AFF4: variants seen among roughly 807,000 people sequenced by gnomAD.
The protein encoded by AFF4 is AF4/FMR2 family member 4.
AFF4 carries 13 observed loss-of-function variants against 124.8 expected under a neutral mutation model. That is an observed-to-expected ratio of 0.10 (90% CI 0.07 to 0.17). The LOEUF is 0.17. AFF4 is among the 10% of genes least tolerant of loss of function. The pLI, the probability that AFF4 is intolerant of heterozygous loss-of-function variation, is 1.00. For synonymous variants in AFF4, 477 were observed against 496.1 expected, an observed-to-expected ratio of 0.96 and a Z score of 0.51; for missense variants, 1,092 against 1,403.8, an observed-to-expected ratio of 0.78 and a Z score of 3.55.
At chr5:132,893,408 T>C (rs1195051562) in intron 11 of AFF4, among the ~76,000 whole-genome samples, 2 of 152,228 alleles carry the variant, frequency 1.3e-5, no homozygotes, top group Non-Finnish European at 2.9e-5. Context: ...AATTAAGATA[T>C]AATTTACATA....
At chr5:132,941,224 C>T (rs1300253029) in intron 1 of AFF4, among the ~76,000 whole-genome samples, 3 of 152,036 alleles carry the variant, frequency 2.0e-5, no homozygotes, top group African/African-American at 4.8e-5. Context: ...ACTCCTCCAA[C>T]GTTAACATGA....
chr5:132,943,419 G>T, intron 1 of AFF4: 1 of 180,808 alleles, frequency 5.5e-6, no homozygotes, highest in South Asian at 1.4e-4. Context: ...CTGTAAAGAT[G>T]GCAAATGCCA....
intron 10 of AFF4, 118 bp from the exon 11 acceptor site, chr5:132,897,358 G>C: frequency 9.4e-7 from 1 of 1,068,468 alleles, no homozygotes; most frequent in East Asian, 2.4e-5. Flanking sequence ...AAAAGCAAAT[G>C]GTTCTCTATG....
rs1157399677 is a variant in AFF4 at position 132,927,194 on chromosome 5, G to A, written c.977C>T (p.Ser326Leu). The A allele has an allele frequency of 1.2e-6, 2 of 1,610,282 alleles. No homozygotes were observed. The highest frequency in any genetic ancestry group is 1.7e-6 in the Non-Finnish European group (2 of 1,178,838). Residue 326 changes from serine to leucine, a missense_variant, in exon 5 of 21, where the codon TCA (serine) becomes TTA (leucine). Ser to Leu is a moderately radical substitution (Grantham distance 145, BLOSUM62 -2). Around this residue, in one of 11 missense-constraint regions of AFF4, gnomAD observed 148 missense variants for 196.3 expected, o/e 0.75. Transcript: ENST00000265343. ...VDEILKEMTH[S>L]WPPPLTAIHT... ...AATAGCCGTTAGAGGGGGAGGCCAT[G>A]AATGCGTCATCTCCTGAAATGTAAT...
intron 1 of AFF4, chr5:132,948,407 T>C (rs1483808950): frequency 6.6e-6 from 1 of 152,136 alleles, no homozygotes; most frequent in Non-Finnish European, 1.5e-5. Context: ...TAATTTTCAT[T>C]CACAAATAAC....
chr5:132,948,087 T>G (rs1483505759), intron 1 of AFF4, among the ~76,000 whole-genome samples: 1 of 152,076 alleles, frequency 6.6e-6, no homozygotes, highest in Admixed American at 6.6e-5. Flanking sequence ...AGTCTTGCTC[T>G]GTCGCCAGGC....
At chr5:132,900,003 C>CTAGAGAGA (rs1760508940) in intron 7 of AFF4, among the ~76,000 whole-genome samples, 1 of 152,158 alleles carries the variant, frequency 6.6e-6, no homozygotes, top group Non-Finnish European at 1.5e-5. Context: ...CAACAATCCA[C>CTAGAGAGA]TAGAGAGATA....
chr5:132,908,805 C>T (rs1760728763), intron 5 of AFF4, among the ~76,000 whole-genome samples: 1 of 139,576 alleles, frequency 7.2e-6, no homozygotes, highest in African/African-American at 2.7e-5. Flanking sequence ...GAATCTAGCT[C>T]TGTCACCCAG....
chr5:132,895,064 G>A (rs1021883390), intron 11 of AFF4, among the ~76,000 whole-genome samples: 1 of 152,186 alleles, frequency 6.6e-6, no homozygotes, highest in Non-Finnish European at 1.5e-5. Context: ...AAAGAGCAGA[G>A]TCTATCATAC....
chr5:132,928,836 G>C (rs1761239063), intron 4 of AFF4, among the ~76,000 whole-genome samples: 1 of 152,108 alleles, frequency 6.6e-6, no homozygotes, highest in Non-Finnish European at 1.5e-5. Context: ...ATTACTACTT[G>C]AACCTCTTAA....
chr5:132,926,699 GCTTT>G (rs1761178737), intron 5 of AFF4: 1 of 69,008 alleles, frequency 1.4e-5, no homozygotes, highest in African/African-American at 5.9e-5. Flanking sequence ...ACTATGCCAA[GCTTT>G]TTTTTTTTTT....
chr5:132,935,183 C>T (rs77857463), intron 2 of AFF4, among the ~76,000 whole-genome samples: 2,456 of 152,210 alleles, frequency 0.016, 64 homozygotes, highest in African/African-American at 0.056. Context: ...CACAGTGGCA[C>T]GTGCCTGTAC....
Position 132,927,336 on chromosome 5 carries a change from A to T in AFF4, c.964-129T>A, listed in dbSNP as rs1179252595. ...CTCCAAAATTCTACATACTTAGTCAATAAATATTAAGCACAATTGTGTGCT... is the reference window on the plus strand; with the variant it reads ...CTCCAAAATTCTACATACTTAGTCATTAAATATTAAGCACAATTGTGTGCT... On this transcript the variant is annotated intron_variant, in intron 4 of 20. Coordinates refer to ENST00000265343, the MANE Select transcript of AFF4 (RefSeq NM_014423.4). 5.5e-6 allele frequency: 4 copies of T among 726,228 alleles called. No individual in the cohort carries two copies. In the African/African-American group the frequency reaches 7.3e-5, roughly 13 times the overall value. The allele number at this position is 726,228 out of a possible 1,614,324, so 45.0% of individuals were successfully genotyped here. A position where few individuals can be genotyped will look rare whatever the true frequency, so the allele number is the denominator to read the frequency against.
In AFF4 at chr5:132,892,373, C is replaced by A. The variant is rs1310581875; in HGVS notation, c.2428G>T (p.Asp810Tyr). The change falls in exon 13 of 21, where the codon GAT becomes TAT. Residue 810 changes from aspartate (D) to tyrosine (Y), a missense_variant. Around this residue, in one of 11 missense-constraint regions of AFF4, gnomAD observed 293 missense variants for 280.2 expected, o/e 1.05. Coordinates refer to ENST00000265343, the MANE Select transcript of AFF4 (RefSeq NM_014423.4). ...GGCCCAGCGGGAGAAGGCAACAAAT[C>A]CTTTTCTTTTGCAGCACTCTGCTTA... is the stretch of plus-strand genomic sequence containing the variant. Reference protein sequence around the residue: ...SSKQSAAKEKDLLPSPAGPVP... With the variant: ...SSKQSAAKEKYLLPSPAGPVP... 2 of 1,613,534 alleles carry A rather than the reference C, an allele frequency of 1.2e-6. No individual in the cohort carries two copies. Among genetic ancestry groups the A allele is most frequent in the Admixed American group, 1.7e-5 (1 of 59,970 alleles).
chr5:132,884,580 T>G (rs1174183966), intron 19 of AFF4, among the ~76,000 whole-genome samples: 1 of 152,190 alleles, frequency 6.6e-6, no homozygotes, highest in African/African-American at 2.4e-5. Flanking sequence ...TATAAACTTA[T>G]GTAAGAAAAT....
chr5:132,891,358 T>G (rs1282805901), intron 13 of AFF4, among the ~76,000 whole-genome samples: 1 of 152,226 alleles, frequency 6.6e-6, no homozygotes, highest in Non-Finnish European at 1.5e-5. Flanking sequence ...TTTTCAACTC[T>G]CAAACCTTTG....
intron 1 of AFF4, among the ~76,000 whole-genome samples, chr5:132,950,241 C>T (rs1761809036): frequency 2.0e-5 from 3 of 152,056 alleles, no homozygotes; most frequent in Admixed American, 1.3e-4. Context: ...CTTGGGAGGC[C>T]GAGGCAGACA....
chr5:132,899,758 A>G, intron 7 of AFF4, 117 bp from the exon 8 acceptor site: 1 of 806,036 alleles, frequency 1.2e-6, no homozygotes, highest in Non-Finnish European at 1.9e-6. Context: ...AAATTTAACC[A>G]AAAAACAAAA....
intron 1 of AFF4, among the ~76,000 whole-genome samples, chr5:132,955,761 G>C (rs1404741740): frequency 7.2e-5 from 9 of 124,160 alleles, no homozygotes; most frequent in Admixed American, 6.7e-4. Flanking sequence ...CTGGGTGATA[G>C]AGTGAGATTC....
Sources: gnomAD v4.1 joint callset for allele counts (sites outside exome capture counted in the v4.1 genomes callset) on GRCh38, gnomAD v4.1.1 for gene constraint, gnomAD v4.1.1 regional missense constraint, MANE v1.5 for transcripts, NCBI Gene and HGNC (gene_info 2026-07-23, HGNC 2026-07-21) for gene names.